The following PAPPA variants were observed in gnomAD, a reference collection of about 807,000 sequenced individuals.
The protein encoded by PAPPA is pappalysin 1.
Under a neutral mutation model 164.0 loss-of-function variants are expected in PAPPA, and 60 were observed. The observed-to-expected ratio is 0.37, with a 90% CI of 0.30 to 0.45. The LOEUF (loss-of-function observed/expected upper bound fraction) is 0.45, where lower values mean the gene tolerates loss of function less well. Among genes scored for constraint, PAPPA ranks in the 20% least tolerant of loss-of-function variants. The pLI is 1.00. For synonymous variants in PAPPA, 875 were observed against 814.1 expected (o/e 1.07, Z -1.27); for missense variants, 1,782 against 2,087.3 (o/e 0.85, Z 2.85).
At chr9:116,379,851 T>C (rs1195134609) in intron 20 of PAPPA, among the ~76,000 whole-genome samples, 4 of 152,136 alleles carry the variant, frequency 2.6e-5, no homozygotes, top group African/African-American at 9.7e-5. Flanking sequence ...GATGGTTTGT[T>C]TGTCTGAATG....
At chr9:116,188,890 T>G (rs1166623348) in intron 2 of PAPPA, among the ~76,000 whole-genome samples, 2 of 152,178 alleles carry the variant, frequency 1.3e-5, no homozygotes, top group African/African-American at 4.8e-5. Flanking sequence ...CAAGTTGCTC[T>G]GAGGATTGAT....
At chr9:116,323,942 C>G (rs1845891118) in intron 10 of PAPPA, among the ~76,000 whole-genome samples, 1 of 152,140 alleles carries the variant, frequency 6.6e-6, no homozygotes, top group Non-Finnish European at 1.5e-5. Context: ...AGGCAGGTCC[C>G]TTGCCTGGCA....
chr9:116,321,584 A>C (rs1416659819), intron 10 of PAPPA, among the ~76,000 whole-genome samples: 1 of 152,204 alleles, frequency 6.6e-6, no homozygotes, highest in Admixed American at 6.5e-5. Flanking sequence ...AGAGAATGGT[A>C]GCACTGATGT....
At position 116,211,938 on chromosome 9, in the gene PAPPA, G is replaced by C. The variant is rs1169448255; in HGVS notation, c.1918+6G>C. ...CAACTTCATGAGCTATGCAGGTAGGGCCCTACACTCTGTAGGGTGAACAGG... is the reference window on the plus strand; with the variant it reads ...CAACTTCATGAGCTATGCAGGTAGGCCCCTACACTCTGTAGGGTGAACAGG... On this transcript the variant is annotated splice_donor_region_variant and intron_variant, in intron 4 of 21. Transcript: ENST00000328252. 1 of 1,611,904 alleles carries C rather than the reference G, an allele frequency of 6.2e-7. No homozygotes were observed. Among genetic ancestry groups the C allele is most frequent in the Non-Finnish European group, 8.5e-7 (1 of 1,178,362 alleles).
intron 2 of PAPPA, among the ~76,000 whole-genome samples, chr9:116,201,917 C>T (rs777194074): frequency 6.6e-6 from 1 of 152,206 alleles, no homozygotes; most frequent in Non-Finnish European, 1.5e-5. Flanking sequence ...TTGAGGGCAT[C>T]TACGCATGGC....
In PAPPA at chr9:116,396,598, G is replaced by A; in HGVS notation, c.4866G>A (p.Arg1622=). 1 of 780,806 alleles carries A rather than the reference G, an allele frequency of 1.3e-6. No homozygotes were observed. Among genetic ancestry groups the A allele is most frequent in the South Asian group, 1.3e-5 (1 of 74,594 alleles). The allele number at this position is 780,806 out of a possible 1,614,324, so 48.4% of individuals were successfully genotyped here. ...AAGAACACAGCCGGAAAGACCTCCG[G>A]GGATACAGCCATGGCTAAGGAAGGA... ...QAQEHSRKDL[R]GYSHG is the part of the protein sequence containing the mutation. Residue 1622 remains arginine, a synonymous_variant, in exon 22 of 22, where the codon CGG becomes CGA. Transcript: ENST00000328252.
Position 116,154,448 on chromosome 9 carries a change from G to A in PAPPA, c.276G>A (p.Pro92=), listed in dbSNP as rs1464856246. The change falls in exon 1 of 22, where the codon CCG becomes CCA. Residue 92 remains proline, a synonymous_variant. Coordinates refer to ENST00000328252, the MANE Select transcript of PAPPA (RefSeq NM_002581.5). This position sits in a 1 kb window ranked among gnomAD's most constrained non-coding sequence, Gnocchi z 5.2. ...GGGGCGCCACCGAGGAGCCGAGCCC[G>A]CCGAGCCGGGCGCTCTATTTCAGCG... ...EARGATEEPS[P]PSRALYFSGR... is the part of the protein sequence containing the mutation. The A allele has an allele frequency of 7.8e-5, 100 of 1,280,846 alleles. No individual in the cohort carries two copies. The highest frequency in any genetic ancestry group is 9.6e-5 in the Non-Finnish European group (97 of 1,014,754). 79.3% of individuals were successfully genotyped at this position (1,280,846 alleles called of 1,614,324 possible). A position where few individuals can be genotyped will look rare whatever the true frequency, so the allele number is the denominator to read the frequency against.
intron 7 of PAPPA, among the ~76,000 whole-genome samples, chr9:116,244,154 T>C (rs1844769066): frequency 1.3e-5 from 2 of 152,258 alleles, no homozygotes; most frequent in South Asian, 4.1e-4. Context: ...TCAACTGATC[T>C]CCAGGGTCAT....
At chr9:116,378,841 A>C (rs1419943661) in intron 20 of PAPPA, among the ~76,000 whole-genome samples, 3 of 152,110 alleles carry the variant, frequency 2.0e-5, no homozygotes, top group Non-Finnish European at 4.4e-5. Context: ...CCATTCCCTG[A>C]TCTGTGTCAC....
At chr9:116,370,544 C>T (rs1846559492) in intron 19 of PAPPA, among the ~76,000 whole-genome samples, 1 of 152,158 alleles carries the variant, frequency 6.6e-6, no homozygotes. Context: ...TGCTTTGTAG[C>T]ATTTCCCAAT....
chr9:116,379,520 T>TATG (rs1479106209), intron 20 of PAPPA, among the ~76,000 whole-genome samples: 1 of 151,318 alleles, frequency 6.6e-6, no homozygotes, highest in Non-Finnish European at 1.5e-5. Context: ...TTGAGTCATC[T>TATG]ATGATATCTT....
intron 9 of PAPPA, among the ~76,000 whole-genome samples, chr9:116,284,695 A>G (rs1845311131): frequency 6.6e-6 from 1 of 151,680 alleles, no homozygotes; most frequent in South Asian, 2.1e-4. Flanking sequence ...CCTAATCTCA[A>G]CTGGTGGCGC....
At position 116,156,348 on chromosome 9, in the gene PAPPA, G is replaced by GTATATATA. The variant is rs746877150; in HGVS notation, c.415+1770_415+1777dup. On this transcript the variant is annotated intron_variant, in intron 1 of 21. Transcript: ENST00000328252. ...TATATATATGTGTATATATATATAT[G>GTATATATA]TATATATATATATATAACACCTGGG... Among the ~76,000 whole-genome samples the GTATATATA allele has an allele frequency of 1.2e-3, 138 of 117,094 alleles. 3 individuals are homozygous for GTATATATA. The highest frequency in any genetic ancestry group is 4.1e-3 in the African/African-American group (135 of 33,328). The allele number at this position is 117,094 out of a possible 152,430, so 76.8% of individuals were successfully genotyped here.
At chr9:116,176,509 C>T (rs1292452500) in intron 1 of PAPPA, among the ~76,000 whole-genome samples, 1 of 152,030 alleles carries the variant, frequency 6.6e-6, no homozygotes, top group Admixed American at 6.6e-5. Context: ...CTCATTTTAC[C>T]AAGTAACAGA....
intron 2 of PAPPA, among the ~76,000 whole-genome samples, chr9:116,204,465 A>G (rs144156285): frequency 6.6e-6 from 1 of 152,280 alleles, no homozygotes; most frequent in African/African-American, 2.4e-5. Context: ...CCCAAGTGGG[A>G]GTACAGTGGT....
intron 10 of PAPPA, among the ~76,000 whole-genome samples, chr9:116,313,157 C>CACCAGAGCA (rs1202718913): frequency 2.0e-5 from 3 of 151,628 alleles, no homozygotes; most frequent in African/African-American, 7.3e-5. Context: ...CAGATCCAAG[C>CACCAGAGCA]ACCAGAGCAC....
chr9:116,169,307 A>ATTTTTTTTTTTTTT (rs1843748582), intron 1 of PAPPA, among the ~76,000 whole-genome samples: 4 of 41,334 alleles, frequency 9.7e-5, no homozygotes, highest in Non-Finnish European at 2.7e-4. Flanking sequence ...CTCCAAACCC[A>ATTTTTTTTTTTTTT]TTCTTTTTTT....
At chr9:116,250,246 T>C (rs1030892036) in intron 7 of PAPPA, among the ~76,000 whole-genome samples, 2 of 152,308 alleles carry the variant, frequency 1.3e-5, no homozygotes, top group East Asian at 3.9e-4. Context: ...TGGGCTTTAA[T>C]ACAAGCCAGA....
In PAPPA at chr9:116,238,160, A is replaced by C. The variant is rs1844693726; in HGVS notation, c.2732+2523A>C. Reference sequence around the variant, plus strand: ...AGGCCTGACCATTAGAACTTTTAAAATCTCATAAGGTGATTATAATTTGCA... The same window carrying C: ...AGGCCTGACCATTAGAACTTTTAAACTCTCATAAGGTGATTATAATTTGCA... On this transcript the variant is annotated intron_variant, in intron 7 of 21. Coordinates refer to ENST00000328252, the MANE Select transcript of PAPPA (RefSeq NM_002581.5). Among the ~76,000 whole-genome samples, 4 of 152,302 alleles carry C rather than the reference A, an allele frequency of 2.6e-5. No homozygotes were observed. The South Asian group carries it at 8.3e-4, about 32-fold the overall frequency.
Sources: gnomAD v4.1 joint callset for allele counts (sites outside exome capture counted in the v4.1 genomes callset) on GRCh38, gnomAD v4.1.1 for gene constraint, Gnocchi (gnomAD v3.1) non-coding constraint, MANE v1.5 for transcripts, NCBI Gene and HGNC (gene_info 2026-07-23, HGNC 2026-07-21) for gene names.